CAST: variants seen among roughly 807,000 people sequenced by gnomAD.
CAST encodes the protein calpastatin, also known as MIR583 host.
A neutral mutation model predicts 119.6 loss-of-function variants in CAST; 76 were observed. That is an observed-to-expected ratio of 0.64 (90% confidence interval 0.53 to 0.77). The LOEUF (loss-of-function observed/expected upper bound fraction) is 0.77. Among genes scored for constraint, CAST ranks in the 30% least tolerant of loss-of-function variants. The pLI is 0.00. For missense variants in CAST, 953 were observed against 946.5 expected, an observed-to-expected ratio of 1.01 and a Z score of -0.09; for synonymous variants, 319 against 331.6, an observed-to-expected ratio of 0.96 and a Z score of 0.41.
intron 1 of CAST, among the ~76,000 whole-genome samples, chr5:96,669,550 G>A (rs1324935946): frequency 6.6e-6 from 1 of 152,190 alleles, no homozygotes; most frequent in Admixed American, 6.5e-5. Context: ...GCAAGAGAGT[G>A]TACAATAAAG....
the CAST span, among the ~76,000 whole-genome samples, chr5:95,968,406 G>A: frequency 2.6e-5 from 4 of 152,144 alleles, no homozygotes; most frequent in Non-Finnish European, 5.9e-5. Flanking sequence ...CAGCGCATAG[G>A]TGCCCATTTG....
the CAST span, among the ~76,000 whole-genome samples, chr5:96,122,988 C>A: frequency 6.6e-6 from 1 of 152,020 alleles, no homozygotes; most frequent in Admixed American, 6.5e-5. Context: ...ATACCCAGAG[C>A]ACAAGAAATA....
chr5:96,173,281 G>C, the CAST span, among the ~76,000 whole-genome samples: 4 of 152,214 alleles, frequency 2.6e-5, no homozygotes, highest in African/African-American at 9.6e-5. Context: ...TCATGTAAAG[G>C]AGCAGGAACT....
chr5:96,413,528 A>C, the CAST span, among the ~76,000 whole-genome samples: 4 of 152,188 alleles, frequency 2.6e-5, no homozygotes, highest in Non-Finnish European at 5.9e-5. Flanking sequence ...AGCCAGGCGC[A>C]GTGGCTCATG....
the CAST span, among the ~76,000 whole-genome samples, chr5:96,492,534 G>A: frequency 9.2e-5 from 14 of 152,054 alleles, 1 homozygote; most frequent in South Asian, 1.2e-3. Context: ...AAAGCTTTTC[G>A]CTTACATAGG....
intron 1 of CAST, among the ~76,000 whole-genome samples, chr5:96,644,504 G>A (rs1052245613): frequency 1.3e-5 from 2 of 152,142 alleles, no homozygotes; most frequent in Non-Finnish European, 2.9e-5. Context: ...ACATAAAATT[G>A]TTTTTCTTAT....
At chr5:96,363,800 C>T in the CAST span, among the ~76,000 whole-genome samples, 1 of 152,100 alleles carries the variant, frequency 6.6e-6, no homozygotes, top group African/African-American at 2.4e-5. Context: ...ATTTGACTAC[C>T]TCTTTTCCTA....
the CAST span, among the ~76,000 whole-genome samples, chr5:96,398,009 A>G: frequency 6.6e-6 from 1 of 152,132 alleles, no homozygotes. Flanking sequence ...TTATATTAAA[A>G]GACAGGTTAC....
At chr5:96,334,827 T>A in the CAST span, among the ~76,000 whole-genome samples, 1 of 152,164 alleles carries the variant, frequency 6.6e-6, no homozygotes, top group Non-Finnish European at 1.5e-5. Context: ...GACTTGTTCA[T>A]CCACTGGAGA....
chr5:96,532,744 G>C (rs917180774), intron 1 of CAST, among the ~76,000 whole-genome samples: 1 of 152,078 alleles, frequency 6.6e-6, no homozygotes, highest in African/African-American at 2.4e-5. Flanking sequence ...CAGCTACTTG[G>C]GTGGCTGAAG....
the CAST span, among the ~76,000 whole-genome samples, chr5:96,075,245 C>A: frequency 6.6e-6 from 1 of 152,116 alleles, no homozygotes; most frequent in African/African-American, 2.4e-5. Context: ...TGATTCAGTT[C>A]TGAGAAATCA....
At chr5:96,426,806 C>T in the CAST span, among the ~76,000 whole-genome samples, 1,075 of 152,004 alleles carry the variant, frequency 7.1e-3, 10 homozygotes, top group African/African-American at 0.025. Context: ...GAATCAGCTC[C>T]AAAAATAAAA....
chr5:96,347,429 T>A, the CAST span, among the ~76,000 whole-genome samples: 1 of 152,208 alleles, frequency 6.6e-6, no homozygotes, highest in South Asian at 2.1e-4. Context: ...ACAAAGTGGA[T>A]GACCAGGTGC....
the CAST span, among the ~76,000 whole-genome samples, chr5:96,251,448 T>C: frequency 6.6e-6 from 1 of 152,168 alleles, no homozygotes; most frequent in Non-Finnish European, 1.5e-5. Flanking sequence ...AACTTTTCTT[T>C]CTGCCCCAAA....
chr5:96,483,769 T>G, the CAST span, among the ~76,000 whole-genome samples: 1 of 152,146 alleles, frequency 6.6e-6, no homozygotes, highest in Admixed American at 6.6e-5. Context: ...CTATCTTGAT[T>G]TATAGTTTAT....
At chr5:96,311,013 C>A in the CAST span, among the ~76,000 whole-genome samples, 1 of 151,852 alleles carries the variant, frequency 6.6e-6, no homozygotes, top group Admixed American at 6.6e-5. Context: ...CCTTGGGGCA[C>A]AACATTGTTG....
chr5:96,089,256 G>T, the CAST span, among the ~76,000 whole-genome samples: 3 of 151,904 alleles, frequency 2.0e-5, no homozygotes, highest in African/African-American at 7.2e-5. Context: ...TATATATTTC[G>T]AGGATTATAA....
the CAST span, among the ~76,000 whole-genome samples, chr5:96,414,974 G>T: frequency 1.3e-5 from 2 of 152,176 alleles, no homozygotes. Context: ...CAAATGCAAG[G>T]TATACTCATG....
the CAST span, among the ~76,000 whole-genome samples, chr5:96,171,625 C>T: frequency 2.6e-5 from 4 of 152,182 alleles, no homozygotes; most frequent in South Asian, 4.1e-4. Flanking sequence ...CCGTGACCAG[C>T]GCCAGAGTTT....
Sources: gnomAD v4.1 joint callset for allele counts (sites outside exome capture counted in the v4.1 genomes callset) on GRCh38, gnomAD v4.1.1 for gene constraint, MANE v1.5 for transcripts, NCBI Gene and HGNC (gene_info 2026-07-23, HGNC 2026-07-21) for gene names.